Variants in PARP16 observed in about 807,000 individuals in gnomAD.
PARP16 encodes poly(ADP-ribose) polymerase family member 16, also known as protein mono-ADP-ribosyltransferase PARP16.
PARP16 carries 31 observed loss-of-function variants against 35.0 expected under a neutral mutation model. The observed-to-expected ratio is 0.88, with a 90% CI of 0.66 to 1.19. The LOEUF is 1.19. Ranked by LOEUF, PARP16 falls within the 50% of genes most tolerant of loss-of-function variation. PARP16 has a pLI of 0.00. For synonymous variants in PARP16, 162 were observed against 169.5 expected (o/e 0.96, Z 0.34); for missense variants, 424 against 411.2 (o/e 1.03, Z -0.27).
chr15:65,260,862 T>C, intron 5 of PARP16, 23 bp downstream of exon 5: 2 of 1,610,844 alleles, frequency 1.2e-6, no homozygotes, highest in South Asian at 2.2e-5. Context: ...AATACAGCCA[T>C]TAGTTGTTCT....
chr15:65,238,860 G>A (rs1207628000), intron 3 of PARP16, among the ~76,000 whole-genome samples: 1 of 152,204 alleles, frequency 6.6e-6, no homozygotes, highest in African/African-American at 2.4e-5. Context: ...TATGTGCAGT[G>A]GCTCACACCT....
chr15:65,263,659 ACT>A (rs1190193040), intron 3 of PARP16, among the ~76,000 whole-genome samples: 5 of 151,574 alleles, frequency 3.3e-5, no homozygotes, highest in East Asian at 3.9e-4. Flanking sequence ...AGTTATATAA[ACT>A]CTCTGTGTCT....
intron 3 of PARP16, among the ~76,000 whole-genome samples, chr15:65,247,156 A>G (rs1251527825): frequency 6.6e-6 from 1 of 152,000 alleles, no homozygotes; most frequent in East Asian, 1.9e-4. Flanking sequence ...AAGCTGGGCT[A>G]ATTTTTTAAA....
rs755010047 is a variant in PARP16 at position 65,266,632 on chromosome 15, G to A, written c.449C>T (p.Ala150Val). ...ETKGERDLIY[A>V]FHGSRLENFH... The stretch of plus-strand genomic sequence containing the variant: ...GTTTTCTAGGCGGCTACCATGAAAT[G>A]CATAGATTAGGTCTCGTTCTCCTTT... Residue 150 changes from alanine to valine, a missense_variant, in exon 3 of 6, where the codon GCA becomes GTA. Physicochemically the swap from Ala to Val is moderately conservative, Grantham distance 64 (BLOSUM62 0). Coordinates refer to ENST00000649807, the MANE Select transcript of PARP16 (RefSeq NM_001316943.2). 1 of 1,614,144 alleles carries A rather than the reference G, an allele frequency of 6.2e-7. No homozygotes were observed. The highest frequency in any genetic ancestry group is 8.5e-7 in the Non-Finnish European group (1 of 1,179,998).
intron 1 of PARP16, among the ~76,000 whole-genome samples, chr15:65,278,443 G>T (rs1016214865): frequency 1.3e-5 from 2 of 152,242 alleles, no homozygotes; most frequent in African/African-American, 4.8e-5. Flanking sequence ...GATATAGCTG[G>T]AGAGATAGCT....
At chr15:65,253,126 T>C (rs775268611), downstream of PARP16, among the ~76,000 whole-genome samples, 84 of 136,196 alleles carry the variant, frequency 6.2e-4, no homozygotes, top group Non-Finnish European at 9.9e-4. Flanking sequence ...AGAGTGAAAC[T>C]CCGTCTCAAA....
intron 1 of PARP16, among the ~76,000 whole-genome samples, chr15:65,273,897 A>C (rs2090169841): frequency 6.6e-6 from 1 of 151,732 alleles, no homozygotes; most frequent in African/African-American, 2.4e-5. Context: ...AAAACAAAAA[A>C]CACCAACTAT....
At chr15:65,263,832 A>G (rs2089812722) in intron 3 of PARP16, among the ~76,000 whole-genome samples, 1 of 152,184 alleles carries the variant, frequency 6.6e-6, no homozygotes, top group Non-Finnish European at 1.5e-5. Context: ...GTTCTAGTAT[A>G]TAAAGTAATT....
downstream of PARP16, among the ~76,000 whole-genome samples, chr15:65,232,753 C>G (rs2088793114): frequency 6.6e-6 from 1 of 151,904 alleles, no homozygotes; most frequent in African/African-American, 2.4e-5. Flanking sequence ...AAAGAAAAAA[C>G]AAATAAATAA....
In PARP16 at chr15:65,286,527, G is replaced by A; in HGVS notation, c.-101C>T. 1.1e-6 allele frequency: 1 copy of A among 930,426 alleles called. No homozygotes were observed. The highest frequency in any genetic ancestry group is 1.5e-6 in the Non-Finnish European group (1 of 664,754). 57.6% of individuals were successfully genotyped at this position (930,426 alleles called of 1,614,324 possible). A position where few individuals can be genotyped will look rare whatever the true frequency, so the allele number is the denominator to read the frequency against. ...GGGCCCGCGGACAATGGGCCGTCAG[G>A]GGCCGGGTTCCCAAGCCTGGGGTGG... On this transcript the variant is annotated 5_prime_UTR_variant, in exon 1 of 6. Coordinates refer to ENST00000649807, the MANE Select transcript of PARP16 (RefSeq NM_001316943.2).
intron 2 of PARP16, among the ~76,000 whole-genome samples, chr15:65,250,181 G>A (rs575192188): frequency 1.1e-4 from 15 of 141,134 alleles, no homozygotes; most frequent in Middle Eastern, 3.7e-3. Context: ...GCAATGGTGC[G>A]ACCTCAGCTC....
intron 3 of PARP16, among the ~76,000 whole-genome samples, chr15:65,239,781 C>A (rs2088999539): frequency 6.6e-6 from 1 of 150,616 alleles, no homozygotes; most frequent in African/African-American, 2.4e-5. Context: ...CTCAGCCTCC[C>A]GAGTAGCTGG....
chr15:65,270,097 T>C (rs529248), intron 2 of PARP16, among the ~76,000 whole-genome samples: 2,132 of 152,286 alleles, frequency 0.014, 46 homozygotes, highest in African/African-American at 0.043. Flanking sequence ...GAAAGATGTG[T>C]GTCTTTGGCA....
In PARP16 at chr15:65,239,955, CTTTTTTTT is replaced by C. The variant is rs367808430; in HGVS notation, c.*98-5140_*98-5133del. ...ACAGGCGTGAGCCACCGCGTCTGAC[CTTTTTTTT>C]TTTTTTTTTTTAAATACAGGGTCTC... On this transcript the variant is annotated intron_variant and NMD_transcript_variant, in intron 3 of 3. Coordinates refer to the PARP16 transcript ENST00000559805. Among the ~76,000 whole-genome samples the C allele has an allele frequency of 2.1e-4, 17 of 81,722 alleles. 2 individuals carry two copies. Among genetic ancestry groups the C allele is most frequent in the Non-Finnish European group, 6.4e-5 (3 of 46,914 alleles). 53.6% of individuals were successfully genotyped at this position (81,722 alleles called of 152,430 possible).
intron 2 of PARP16, among the ~76,000 whole-genome samples, chr15:65,251,620 AT>A (rs1389740114): frequency 1.7e-5 from 1 of 57,866 alleles, no homozygotes; most frequent in African/African-American, 3.9e-5. Flanking sequence ...AGCAAAACTT[AT>A]GGTTCATTTT....
At position 65,273,293 on chromosome 15, in the gene PARP16, AAG is replaced by A. The variant is rs1440137715; in HGVS notation, c.175-2223_175-2222del. On this transcript the variant is annotated intron_variant, in intron 1 of 5. Transcript: ENST00000649807. Reference sequence around the variant, plus strand: ...CTCTGTCTCAAAAAAAAAAAAAAAAAAGAATACCTGTGGTTCTTTTCCATTTT... The same window carrying A: ...CTCTGTCTCAAAAAAAAAAAAAAAAAAATACCTGTGGTTCTTTTCCATTTT... Among the ~76,000 whole-genome samples the A allele has an allele frequency of 6.0e-5, 9 of 149,548 alleles. 1 individual carries two copies. In the South Asian group the frequency reaches 6.3e-4, roughly 11 times the overall value.
chr15:65,240,892 G>T (rs532555430), intron 3 of PARP16, among the ~76,000 whole-genome samples: 75 of 152,238 alleles, frequency 4.9e-4, no homozygotes, highest in Non-Finnish European at 9.6e-4. Context: ...GAGTGCAGTG[G>T]TGCAATCTCG....
At chr15:65,280,962 C>A (rs899931984) in intron 1 of PARP16, among the ~76,000 whole-genome samples, 2 of 152,200 alleles carry the variant, frequency 1.3e-5, no homozygotes, top group Non-Finnish European at 2.9e-5. Flanking sequence ...CAGATCCTGA[C>A]TGGATAGGTC....
At chr15:65,279,766 T>C (rs568746187) in intron 1 of PARP16, among the ~76,000 whole-genome samples, 18 of 152,228 alleles carry the variant, frequency 1.2e-4, no homozygotes, top group African/African-American at 4.1e-4. Flanking sequence ...AATCAGTTAC[T>C]AGAAAAATAG....
Sources: allele counts gnomAD v4.1 joint callset (sites outside exome capture counted in the v4.1 genomes callset), GRCh38; gene constraint gnomAD v4.1.1; transcripts MANE v1.5; gene names NCBI Gene and HGNC (gene_info 2026-07-23, HGNC 2026-07-21).